Variants in ATP13A4 observed in about 807,000 individuals in gnomAD.
ATP13A4 encodes the protein probable cation-transporting ATPase 13A4.
In ATP13A4, 114 loss-of-function variants were observed where a neutral mutation model predicts 142.5. The ratio of observed to expected loss-of-function variants is 0.80; its 90% CI spans 0.69 to 0.93. The LOEUF is 0.93. Among genes scored for constraint, ATP13A4 ranks in the 40% least tolerant of loss-of-function variants. ATP13A4 has a pLI of 0.00. For synonymous variants in ATP13A4, 488 were observed against 514.8 expected (o/e 0.95, Z 0.70); for missense variants, 1,392 against 1,454.0 (o/e 0.96, Z 0.69).
intron 1 of ATP13A4, among the ~76,000 whole-genome samples, chr3:193,531,787 A>T (rs1268700520): frequency 6.6e-6 from 1 of 152,152 alleles, no homozygotes; most frequent in Non-Finnish European, 1.5e-5. Flanking sequence ...CCATGTATTT[A>T]CCTTTACAGC....
intron 2 of ATP13A4, among the ~76,000 whole-genome samples, chr3:193,572,729 C>T (rs1724294949): frequency 6.6e-6 from 1 of 151,998 alleles, no homozygotes; most frequent in African/African-American, 2.4e-5. Context: ...AACTATGCAC[C>T]GCTGAGTGGT....
At chr3:193,557,332 C>T (rs756317399), upstream of ATP13A4, among the ~76,000 whole-genome samples, 3 of 152,198 alleles carry the variant, frequency 2.0e-5, no homozygotes, top group Non-Finnish European at 4.4e-5. Flanking sequence ...GGTAAAACAT[C>T]TAGATTTTAT....
intron 13 of ATP13A4, among the ~76,000 whole-genome samples, chr3:193,460,461 G>T (rs57198825): frequency 0.014 from 2,127 of 152,232 alleles, 58 homozygotes; most frequent in African/African-American, 0.048. Context: ...TTGCATTCAA[G>T]CTTCCTTTTG....
chr3:193,526,217 G>T (rs1300154191), intron 1 of ATP13A4, among the ~76,000 whole-genome samples: 1 of 152,114 alleles, frequency 6.6e-6, no homozygotes, highest in Non-Finnish European at 1.5e-5. Context: ...ATCAATGATA[G>T]AGTGGATAAA....
At chr3:193,437,091 G>A (rs1210377480) in intron 23 of ATP13A4, among the ~76,000 whole-genome samples, 20 of 125,578 alleles carry the variant, frequency 1.6e-4, no homozygotes, top group Admixed American at 7.7e-4. Context: ...GCGACAGAGT[G>A]AGACTCCGTC....
intron 9 of ATP13A4, among the ~76,000 whole-genome samples, chr3:193,469,313 A>T (rs186871449): frequency 1.3e-5 from 2 of 152,220 alleles, no homozygotes; most frequent in Admixed American, 6.5e-5. Flanking sequence ...TGGAACAGAC[A>T]GGACAATAAG....
intron 29 of ATP13A4, among the ~76,000 whole-genome samples, chr3:193,406,313 A>G (rs1714493826): frequency 1.3e-5 from 2 of 152,132 alleles, no homozygotes; most frequent in African/African-American, 4.8e-5. Flanking sequence ...GGGAGAGCTC[A>G]TTGAGGTCCT....
At chr3:193,483,325 G>A (rs1719402004) in intron 8 of ATP13A4, among the ~76,000 whole-genome samples, 2 of 152,102 alleles carry the variant, frequency 1.3e-5, no homozygotes, top group Non-Finnish European at 2.9e-5. Context: ...TGGGAGTGAT[G>A]AATGGTCATT....
At position 193,441,506 on chromosome 3, in the gene ATP13A4, A is replaced by G; in HGVS notation, c.2399T>C (p.Phe800Ser). Residue 800 changes from phenylalanine to serine, a missense_variant, in exon 20 of 30, where the codon TTT (phenylalanine) becomes TCT (serine). Coordinates refer to ENST00000342695, the MANE Select transcript of ATP13A4 (RefSeq NM_032279.4). ...SYHFALTGKS[F>S]HVISQHFSSL... ...GCTGAAATGTTGACTTATAACATGA[A>G]AGGATTTTCCAGTTAGGGCAAAATG... 6.2e-7 allele frequency: 1 copy of G among 1,613,862 alleles called. No homozygotes were observed. Among genetic ancestry groups the G allele is most frequent in the Non-Finnish European group, 8.5e-7 (1 of 1,179,810 alleles).
intron 1 of ATP13A4, among the ~76,000 whole-genome samples, chr3:193,523,069 G>A (rs1486029853): frequency 1.3e-5 from 2 of 152,186 alleles, no homozygotes; most frequent in East Asian, 1.9e-4. Context: ...TTGGGAGGTC[G>A]AGGCACGCGG....
intron 28 of ATP13A4, among the ~76,000 whole-genome samples, chr3:193,407,710 T>C (rs1714574246): frequency 6.6e-6 from 1 of 152,210 alleles, no homozygotes; most frequent in Non-Finnish European, 1.5e-5. Context: ...TTTGGTCACT[T>C]TGCAATTAGA....
chr3:193,493,921 G>C lies in ATP13A4; in HGVS notation c.382-761C>G, dbSNP rs746701295. On this transcript the variant is annotated intron_variant, in intron 3 of 29. Coordinates refer to ENST00000342695, the MANE Select transcript of ATP13A4 (RefSeq NM_032279.4). ...ATCATTTAACTAGTAATAACATACA[G>C]AGACTGAAAATGAAAGAATGGAAGA... 1.7e-4 allele frequency among the ~76,000 whole-genome samples: 26 copies of C among 151,950 alleles called. 1 individual carries two copies. The highest frequency in any genetic ancestry group is 3.2e-4 in the Non-Finnish European group (22 of 67,914).
chr3:193,475,323 T>C (rs1718902161), intron 8 of ATP13A4, among the ~76,000 whole-genome samples: 2 of 152,034 alleles, frequency 1.3e-5, no homozygotes, highest in Admixed American at 1.3e-4. Flanking sequence ...AAATAATGAA[T>C]GAAGAATATC....
chr3:193,576,249 C>CTTTTT lies in ATP13A4; in HGVS notation n.291+5453_291+5457dup, dbSNP rs59910562. 6.8e-3 allele frequency among the ~76,000 whole-genome samples: 372 copies of CTTTTT among 54,424 alleles called. 47 individuals are homozygous for CTTTTT. The highest frequency in any genetic ancestry group is 8.8e-3 in the Non-Finnish European group (265 of 30,088). The allele number at this position is 54,424 out of a possible 152,430, so 35.7% of individuals were successfully genotyped here. Reference sequence around the variant, plus strand: ...TCCATGGAATGTGGCTTGAATCAATCTTTTTTTTTTTTTTTTTTTTTTTTT... The same window carrying CTTTTT: ...TCCATGGAATGTGGCTTGAATCAATCTTTTTTTTTTTTTTTTTTTTTTTTTTTTTT... On this transcript the variant is annotated intron_variant and non_coding_transcript_variant, in intron 2 of 3. Coordinates refer to the ATP13A4 transcript ENST00000489140.
At chr3:193,473,130 T>A (rs957676713) in intron 8 of ATP13A4, among the ~76,000 whole-genome samples, 1 of 152,358 alleles carries the variant, frequency 6.6e-6, no homozygotes, top group East Asian at 1.9e-4. Flanking sequence ...AAGAAAAGTA[T>A]AATATAAGCT....
At chr3:193,527,043 A>G (rs183439900) in intron 1 of ATP13A4, among the ~76,000 whole-genome samples, 71 of 152,354 alleles carry the variant, frequency 4.7e-4, no homozygotes, top group Admixed American at 1.6e-3. Context: ...ACCCATAGCA[A>G]TAACTCTTAA....
intron 8 of ATP13A4, among the ~76,000 whole-genome samples, chr3:193,473,254 T>G (rs578215964): frequency 4.6e-5 from 7 of 152,284 alleles, no homozygotes; most frequent in African/African-American, 1.7e-4. Flanking sequence ...CTGTAACAAT[T>G]TGAACATCAA....
chr3:193,471,075 A>G (rs1369376236), intron 8 of ATP13A4, 82 bp from the exon 9 acceptor site: 2 of 1,571,228 alleles, frequency 1.3e-6, no homozygotes, highest in South Asian at 1.1e-5. Flanking sequence ...TTGGATATCA[A>G]TGAAAAAGCA....
intron 18 of ATP13A4, 64 bp from the exon 19 acceptor site, chr3:193,442,620 T>A: frequency 6.6e-7 from 1 of 1,511,232 alleles, no homozygotes; most frequent in Non-Finnish European, 9.2e-7. Context: ...ATGCAGAGCC[T>A]TGAAAACCAG....
Sources: gnomAD v4.1 joint callset for allele counts (sites outside exome capture counted in the v4.1 genomes callset) on GRCh38, gnomAD v4.1.1 for gene constraint, MANE v1.5 for transcripts, NCBI Gene and HGNC (gene_info 2026-07-23, HGNC 2026-07-21) for gene names.